SRRT: variants seen among roughly 807,000 people sequenced by gnomAD.
The protein encoded by SRRT is serrate, RNA effector molecule, also known as serrate RNA effector molecule homolog.
Under a neutral mutation model 103.2 loss-of-function variants are expected in SRRT, and 32 were observed. The ratio of observed to expected loss-of-function variants is 0.31; its 90% CI spans 0.23 to 0.42. The LOEUF is 0.42. Among genes scored for constraint, SRRT ranks in the 10% least tolerant of loss-of-function variants. SRRT has a pLI of 1.00. For synonymous variants in SRRT, 525 were observed against 449.0 expected (o/e 1.17, Z -2.14); for missense variants, 986 against 1,207.5 (o/e 0.82, Z 2.72).
At chr7:100,876,678 C>T (rs1367133166) in intron 2 of SRRT, among the ~76,000 whole-genome samples, 3 of 152,100 alleles carry the variant, frequency 2.0e-5, no homozygotes, top group African/African-American at 4.8e-5. Context: ...TGGTTATTGA[C>T]CTTAGGGTGT....
chr7:100,879,943 A>C (rs534933362), intron 2 of SRRT, among the ~76,000 whole-genome samples: 1 of 152,342 alleles, frequency 6.6e-6, no homozygotes, highest in East Asian at 1.9e-4. Flanking sequence ...CCAAGTTAAA[A>C]CAATAGTGTT....
rs1044519986 is a variant in SRRT at position 100,887,690 on chromosome 7, T to G, written c.2170-13T>G. Reference sequence around the variant, plus strand: ...TATGTGGCTGTCCTGACCCCTCTCCTCTCTCCACCCAGGGTCCTGAGTTTG... The same window carrying G: ...TATGTGGCTGTCCTGACCCCTCTCCGCTCTCCACCCAGGGTCCTGAGTTTG... On this transcript the variant is annotated splice_polypyrimidine_tract_variant and intron_variant, in intron 16 of 19. Coordinates refer to ENST00000611405, the MANE Select transcript of SRRT (RefSeq NM_015908.6). The surrounding 1 kb of genome is among the most constrained non-coding windows in gnomAD (Gnocchi z 4.1). 3 of 1,601,520 alleles carry G rather than the reference T, an allele frequency of 1.9e-6. No individual in the cohort carries two copies. The African/African-American group carries it at 4.0e-5, about 21-fold the overall frequency.
At chr7:100,883,939 C>G (rs1789817943) in intron 5 of SRRT, 131 bp from the exon 6 acceptor site, 1 of 1,012,078 alleles carries the variant, frequency 9.9e-7, no homozygotes, top group Non-Finnish European at 1.4e-6. Context: ...CCCTTAATCT[C>G]TCTATTTTGA....
rs116531806 is a variant in SRRT at position 100,878,541 on chromosome 7, C to T, written c.123-2744C>T. ...TACTATTTCAGATTGAAGGTTCTAACTAGCCTGTGAGAAACTACTTCCTTC... is the reference window on the plus strand; with the variant it reads ...TACTATTTCAGATTGAAGGTTCTAATTAGCCTGTGAGAAACTACTTCCTTC... On this transcript the variant is annotated intron_variant, in intron 2 of 19. Transcript: ENST00000611405. 2.5e-3 allele frequency among the ~76,000 whole-genome samples: 386 copies of T among 152,248 alleles called. 1 individual carries two copies. The highest frequency in any genetic ancestry group is 8.3e-3 in the African/African-American group (346 of 41,542).
chr7:100,886,218 G>A (rs753822508), intron 12 of SRRT, 29 bp from the exon 13 acceptor site: 2 of 1,599,534 alleles, frequency 1.3e-6, no homozygotes, highest in South Asian at 1.1e-5. Flanking sequence ...GGTAAGTGGG[G>A]TAAGCTGCTG....
chr7:100,887,925 C>T lies in SRRT; in HGVS notation c.2326+66C>T. 2.6e-6 allele frequency: 4 copies of T among 1,557,342 alleles called. No homozygotes were observed. The highest frequency in any genetic ancestry group is 1.4e-5 in the African/African-American group (1 of 72,854). ...TGACTACCCAGGGACTCCTGTTTCTCTTTAACGTGTCACCCCGAGAAGTTT... is the reference window on the plus strand; with the variant it reads ...TGACTACCCAGGGACTCCTGTTTCTTTTTAACGTGTCACCCCGAGAAGTTT... On this transcript the variant is annotated intron_variant, in intron 17 of 19. Coordinates refer to ENST00000611405, the MANE Select transcript of SRRT (RefSeq NM_015908.6). The surrounding 1 kb of genome is among the most constrained non-coding windows in gnomAD (Gnocchi z 4.1).
chr7:100,886,738 C>T, intron 13 of SRRT, 57 bp from the exon 14 acceptor site: 1 of 1,587,878 alleles, frequency 6.3e-7, no homozygotes, highest in Non-Finnish European at 8.6e-7. Flanking sequence ...TGGAAAGTCT[C>T]AGGTTACCTC....
At position 100,885,607 on chromosome 7, in the gene SRRT, GT is replaced by G; in HGVS notation, c.1318-92del. On this transcript the variant is annotated intron_variant, in intron 10 of 19. Coordinates refer to ENST00000611405, the MANE Select transcript of SRRT (RefSeq NM_015908.6). This position sits in a 1 kb window ranked among gnomAD's most constrained non-coding sequence, Gnocchi z 4.8. ...CAAGGATGGGAAGAGTGATAAGGCA[GT>G]TAGTCCCTAGGGTTCTGAGGGCAGT... The G allele has an allele frequency of 1.5e-6, 2 of 1,350,240 alleles. No individual in the cohort carries two copies. The highest frequency in any genetic ancestry group is 1.0e-6 in the Non-Finnish European group (1 of 964,710). The allele number at this position is 1,350,240 out of a possible 1,614,324, so 83.6% of individuals were successfully genotyped here. A position where few individuals can be genotyped will look rare whatever the true frequency, so the allele number is the denominator to read the frequency against.
At position 100,887,305 on chromosome 7, in the gene SRRT, GTTCCCAAA is replaced by G; in HGVS notation, c.1976-14_1976-7del. Reference sequence around the variant, plus strand: ...CTCCCTTGCCAACCTTCCTTCCTCTGTTCCCAAACCACAGTGCTGGAGTGGCAGAAGAC... The same window carrying G: ...CTCCCTTGCCAACCTTCCTTCCTCTGCCACAGTGCTGGAGTGGCAGAAGAC... On this transcript the variant is annotated splice_polypyrimidine_tract_variant and splice_region_variant and intron_variant, in intron 15 of 19. Transcript: ENST00000611405. The surrounding 1 kb of genome is among the most constrained non-coding windows in gnomAD (Gnocchi z 4.1). 6.2e-7 allele frequency: 1 copy of G among 1,612,150 alleles called. No individual in the cohort carries two copies. Among genetic ancestry groups the G allele is most frequent in the South Asian group, 1.1e-5 (1 of 91,014 alleles).
In SRRT at chr7:100,881,510, T is replaced by C. The variant is rs2115787841; in HGVS notation, c.251+97T>C. Reference sequence around the variant, plus strand: ...CTGTGCCTAAATCTTTGTCATTTCCTTTTCTCAACTTCCCATCACCCATCG... The same window carrying C: ...CTGTGCCTAAATCTTTGTCATTTCCCTTTCTCAACTTCCCATCACCCATCG... On this transcript the variant is annotated intron_variant, in intron 3 of 19. Coordinates refer to ENST00000611405, the MANE Select transcript of SRRT (RefSeq NM_015908.6). The C allele has an allele frequency of 1.9e-6, 3 of 1,561,598 alleles. No individual in the cohort carries two copies. In the East Asian group the frequency reaches 7.1e-5, roughly 37 times the overall value.
chr7:100,881,522 C>G, intron 3 of SRRT, 109 bp downstream of exon 3: 1 of 1,561,266 alleles, frequency 6.4e-7, no homozygotes, highest in Non-Finnish European at 8.7e-7. Context: ...TTCTCAACTT[C>G]CCATCACCCA....
intron 2 of SRRT, among the ~76,000 whole-genome samples, chr7:100,877,200 A>G (rs1293443495): frequency 6.6e-6 from 1 of 151,740 alleles, no homozygotes; most frequent in Non-Finnish European, 1.5e-5. Flanking sequence ...AGACGGGCAG[A>G]TCACGAGATC....
chr7:100,879,395 G>C (rs1168793146), intron 2 of SRRT, among the ~76,000 whole-genome samples: 1 of 152,110 alleles, frequency 6.6e-6, no homozygotes, highest in Non-Finnish European at 1.5e-5. Context: ...GAGCCACCAT[G>C]CCCGGCCTGC....
chr7:100,886,783 TC>T lies in SRRT; in HGVS notation c.1648-10del, dbSNP rs776345483. ...TCTTCTCTGCCTTACTTGCTTCTCT[TC>T]CTCCCATCAGAGCCTGCCCTCGCAA... On this transcript the variant is annotated splice_polypyrimidine_tract_variant and intron_variant, in intron 13 of 19. Transcript: ENST00000611405. 1.2e-5 allele frequency: 19 copies of T among 1,613,824 alleles called. No homozygotes were observed. The highest frequency in any genetic ancestry group is 6.8e-6 in the Non-Finnish European group (8 of 1,179,954).
At chr7:100,881,142 CGG>C (rs57137266) in intron 2 of SRRT, 141 bp from the exon 3 acceptor site, 1 of 578,328 alleles carries the variant, frequency 1.7e-6, no homozygotes, top group Admixed American at 4.3e-5. Context: ...TGGCGGGGGG[CGG>C]GGGGGGGTCT....
rs749488457 is a variant in SRRT, at chr7:100,886,904, A to G, written c.1757A>G (p.Glu586Gly). The change falls in exon 14 of 20, where the codon GAG becomes GGG. Residue 586 changes from glutamate (E) to glycine (G), a missense_variant. Glu to Gly is a moderately conservative substitution (Grantham distance 98). Around this residue, in one of 6 missense-constraint regions of SRRT, gnomAD observed 349 missense variants for 446.9 expected, o/e 0.78. Coordinates refer to ENST00000611405, the MANE Select transcript of SRRT (RefSeq NM_015908.6). ...GGGAGCAGCGGGGGCGCTCCTCCTGAGGAGCCTCCTAAGGAAGGGAACCCG... is the reference window on the plus strand; with the variant it reads ...GGGAGCAGCGGGGGCGCTCCTCCTGGGGAGCCTCCTAAGGAAGGGAACCCG... ...LLGSSGGAPP[E>G]EPPKEGNPAE... The G allele has an allele frequency of 6.2e-6, 10 of 1,613,910 alleles. No homozygotes were observed. Among genetic ancestry groups the G allele is most frequent in the Non-Finnish European group, 8.5e-6 (10 of 1,179,948 alleles).
rs1030518665 is a variant in SRRT, at chr7:100,881,704, C to G, written c.297C>G (p.Pro99=). ...CATACCACAGTGGCTATGAGATGCC[C>G]TATGCTGGGGGGGGTGGGGGCCCAA... ...SDPYHSGYEM[P]YAGGGGGPTY... Residue 99 remains proline, a synonymous_variant, in exon 4 of 20, where the codon CCC becomes CCG. Coordinates refer to ENST00000611405, the MANE Select transcript of SRRT (RefSeq NM_015908.6). 1.2e-6 allele frequency: 2 copies of G among 1,614,008 alleles called. No homozygotes were observed. Among genetic ancestry groups the G allele is most frequent in the East Asian group, 4.5e-5 (2 of 44,852 alleles).
intron 2 of SRRT, among the ~76,000 whole-genome samples, chr7:100,880,077 A>G (rs939737410): frequency 1.3e-5 from 2 of 152,226 alleles, no homozygotes; most frequent in African/African-American, 4.8e-5. Flanking sequence ...TGCAGGAGCC[A>G]CACTGGCCAA....
In SRRT at chr7:100,887,567, C is replaced by G; in HGVS notation, c.2169+54C>G. 1 of 1,595,090 alleles carries G rather than the reference C, an allele frequency of 6.3e-7. No homozygotes were observed. The highest frequency in any genetic ancestry group is 1.7e-5 in the Admixed American group (1 of 59,076). The stretch of plus-strand genomic sequence containing the variant: ...ACGGTGGTGGGAGGTGGGGTTGAGA[C>G]AGGAAGCCCCCTGGGCAGGGGTGGG... On this transcript the variant is annotated intron_variant, in intron 16 of 19. Transcript: ENST00000611405. This position sits in a 1 kb window ranked among gnomAD's most constrained non-coding sequence, Gnocchi z 4.1.
Sources: allele counts gnomAD v4.1 joint callset (sites outside exome capture counted in the v4.1 genomes callset), GRCh38; gene constraint gnomAD v4.1.1; regional missense constraint gnomAD v4.1.1; non-coding constraint Gnocchi (gnomAD v3.1); transcripts MANE v1.5; gene names NCBI Gene and HGNC (gene_info 2026-07-23, HGNC 2026-07-21).